WBP1L: variants seen among roughly 807,000 people sequenced by gnomAD.
WBP1L encodes WW domain binding protein 1-like.
A neutral mutation model predicts 33.7 loss-of-function variants in WBP1L; 17 were observed. That is an observed-to-expected ratio of 0.50 (90% CI 0.34 to 0.76). The LOEUF (loss-of-function observed/expected upper bound fraction) is 0.76. Among genes scored for constraint, WBP1L ranks in the 30% least tolerant of loss-of-function variants. The pLI is 0.01. For missense variants in WBP1L, 389 were observed against 469.4 expected, an observed-to-expected ratio of 0.83 and a Z score of 1.58; for synonymous variants, 173 against 190.8, an observed-to-expected ratio of 0.91 and a Z score of 0.77.
At chr10:102,792,516 G>A (rs1843514750) in intron 1 of WBP1L, among the ~76,000 whole-genome samples, 1 of 151,828 alleles carries the variant, frequency 6.6e-6, no homozygotes, top group Non-Finnish European at 1.5e-5. Flanking sequence ...CTAGCCAAAA[G>A]GGCTTTGCTT....
intron 1 of WBP1L, chr10:102,776,139 C>T (rs1843258050): frequency 7.2e-7 from 1 of 1,386,376 alleles, no homozygotes; most frequent in Admixed American, 3.0e-5. Context: ...ACAGCTTCGG[C>T]TTTGCTGCGT....
chr10:102,806,235 T>TAA lies in WBP1L; in HGVS notation c.194-3646_194-3645dup, dbSNP rs10588358. Among the ~76,000 whole-genome samples, 4 of 145,206 alleles carry TAA rather than the reference T, an allele frequency of 2.8e-5. No homozygotes were observed. In the East Asian group the frequency reaches 8.2e-4, roughly 30 times the overall value. On this transcript the variant is annotated intron_variant, in intron 2 of 3. Coordinates refer to ENST00000448841, the MANE Select transcript of WBP1L (RefSeq NM_001083913.2). ...AAAAAATAAATAAATAACAATAAAG[T>TAA]AAAAAAAAAAAAAGTTATAAAGTAA...
At chr10:102,759,376 T>C (rs1019500841) in intron 1 of WBP1L, among the ~76,000 whole-genome samples, 4 of 152,246 alleles carry the variant, frequency 2.6e-5, no homozygotes, top group African/African-American at 9.6e-5. Context: ...TAAAAGCTAA[T>C]GATTAATAAT....
In WBP1L at chr10:102,743,993, G is replaced by A; in HGVS notation, c.-61G>A. The A allele has an allele frequency of 8.1e-7, 1 of 1,227,372 alleles. No homozygotes were observed. Among genetic ancestry groups the A allele is most frequent in the Non-Finnish European group, 1.2e-6 (1 of 858,556 alleles). The allele number at this position is 1,227,372 out of a possible 1,614,324, so 76.0% of individuals were successfully genotyped here. ...AAGAAGGAAGAAGAGGGTAGAGGAG[G>A]AGAGGGAGGAGGAGGAGGGAGGTGG... is the stretch of plus-strand genomic sequence containing the variant. On this transcript the variant is annotated 5_prime_UTR_variant, in exon 1 of 4. Coordinates refer to ENST00000448841, the MANE Select transcript of WBP1L (RefSeq NM_001083913.2).
intron 1 of WBP1L, among the ~76,000 whole-genome samples, chr10:102,766,464 G>GA (rs921991611): frequency 7.0e-6 from 1 of 143,052 alleles, no homozygotes; most frequent in African/African-American, 2.6e-5. Context: ...AAAAAAAAAG[G>GA]AAAAAAAATA....
chr10:102,784,125 C>T (rs896115374), intron 1 of WBP1L, among the ~76,000 whole-genome samples: 5 of 152,024 alleles, frequency 3.3e-5, no homozygotes, highest in East Asian at 1.9e-4. Context: ...TCTGAAAAGT[C>T]GGATGGAACT....
intron 1 of WBP1L, among the ~76,000 whole-genome samples, chr10:102,777,336 G>A (rs1241759188): frequency 1.3e-5 from 2 of 152,120 alleles, no homozygotes; most frequent in Non-Finnish European, 2.9e-5. Context: ...AGAAGCCCTA[G>A]AGGGGAGCTG....
In WBP1L at chr10:102,812,985, C is replaced by T. The variant is rs1187669379; in HGVS notation, c.746C>T (p.Ser249Phe). 2 of 1,613,090 alleles carry T rather than the reference C, an allele frequency of 1.2e-6. No individual in the cohort carries two copies. Among genetic ancestry groups the T allele is most frequent in the East Asian group, 2.2e-5 (1 of 44,878 alleles). Reference sequence around the variant, plus strand: ...GAGGAGCTGCTGAAAGATGACAGCTCTGAACACGGCGCACCCGACAGCAAA... The same window carrying T: ...GAGGAGCTGCTGAAAGATGACAGCTTTGAACACGGCGCACCCGACAGCAAA... ...CREELLKDDS[S>F]EHGAPDSKEK... The change falls in exon 4 of 4, where the codon TCT becomes TTT. Residue 249 changes from serine (S) to phenylalanine (F), a missense_variant. By Grantham distance (155) the Ser-to-Phe change is radical. Transcript: ENST00000448841.
chr10:102,789,741 T>C (rs1038668939), intron 1 of WBP1L, among the ~76,000 whole-genome samples: 1 of 151,444 alleles, frequency 6.6e-6, no homozygotes, highest in Admixed American at 6.6e-5. Flanking sequence ...TCTGGAAATT[T>C]TGTATCTTTT....
chr10:102,750,548 C>T (rs2250064), intron 1 of WBP1L, among the ~76,000 whole-genome samples: 114,804 of 151,594 alleles, frequency 0.76, 43,649 homozygotes, highest in Non-Finnish European at 0.77. Flanking sequence ...TCTTTTGAAA[C>T]GGTGTCTTGC....
intron 2 of WBP1L, among the ~76,000 whole-genome samples, chr10:102,800,985 A>G (rs1222320085): frequency 6.6e-6 from 1 of 152,132 alleles, no homozygotes; most frequent in African/African-American, 2.4e-5. Context: ...TGCCATTTCT[A>G]CCCACCCTTT....
chr10:102,746,287 G>A (rs749354598), intron 1 of WBP1L: 4 of 402,602 alleles, frequency 9.9e-6, no homozygotes, highest in Admixed American at 6.4e-5. Context: ...TTGGGGACAG[G>A]TGTCTTTTGT....
chr10:102,760,148 A>G (rs1843019088), intron 1 of WBP1L, among the ~76,000 whole-genome samples: 1 of 152,034 alleles, frequency 6.6e-6, no homozygotes, highest in Non-Finnish European at 1.5e-5. Flanking sequence ...CCATTTGTGT[A>G]TCTTCCTTGG....
At chr10:102,771,499 C>T (rs554469980) in intron 1 of WBP1L, among the ~76,000 whole-genome samples, 1 of 152,172 alleles carries the variant, frequency 6.6e-6, no homozygotes, top group Admixed American at 6.5e-5. Flanking sequence ...AAGCCCTCAT[C>T]TATAATGACA....
chr10:102,776,387 C>G, intron 1 of WBP1L: 8 of 1,614,160 alleles, frequency 5.0e-6, no homozygotes, highest in Non-Finnish European at 5.9e-6. Flanking sequence ...GATGCTCTTG[C>G]AGGATGCCTT....
chr10:102,777,624 T>A (rs912524955), intron 1 of WBP1L, among the ~76,000 whole-genome samples: 5 of 130,666 alleles, frequency 3.8e-5, no homozygotes, highest in African/African-American at 1.5e-4. Flanking sequence ...GGCTGGAGTG[T>A]AGTGGCGTTA....
rs536283203 is a variant in WBP1L, at chr10:102,772,146, G to T, written c.91-25847G>T. Among the ~76,000 whole-genome samples, 27 of 151,816 alleles carry T rather than the reference G, an allele frequency of 1.8e-4. No homozygotes were observed. The South Asian group carries it at 4.6e-3, about 26-fold the overall frequency. On this transcript the variant is annotated intron_variant, in intron 1 of 3. Coordinates refer to ENST00000448841, the MANE Select transcript of WBP1L (RefSeq NM_001083913.2). ...GTTAATTTTTTGTATTTTTAGTAGA[G>T]ACGGGGTTTCACCATGTTAGCCAGG... is the stretch of plus-strand genomic sequence containing the variant.
rs1843258843 is a variant in WBP1L, at chr10:102,776,180, G to T, written c.91-21813G>T. On this transcript the variant is annotated intron_variant, in intron 1 of 3. Coordinates refer to ENST00000448841, the MANE Select transcript of WBP1L (RefSeq NM_001083913.2). ...ATATGTCACGAGAAGGTGGGGGTGG[G>T]CCAGAGCCAGGCAGGGGGAGTAGCG... The T allele has an allele frequency of 2.8e-6, 4 of 1,446,694 alleles. No individual in the cohort carries two copies. The South Asian group carries it at 5.6e-5, about 20-fold the overall frequency. 89.6% of individuals were successfully genotyped at this position (1,446,694 alleles called of 1,614,324 possible).
At chr10:102,798,575 C>T (rs545209912) in intron 2 of WBP1L, among the ~76,000 whole-genome samples, 2 of 152,314 alleles carry the variant, frequency 1.3e-5, no homozygotes, top group South Asian at 4.1e-4. Flanking sequence ...CAGGTGTGCA[C>T]CACCATGCCC....
Sources: allele counts gnomAD v4.1 joint callset (sites outside exome capture counted in the v4.1 genomes callset), GRCh38; gene constraint gnomAD v4.1.1; transcripts MANE v1.5; gene names NCBI Gene and HGNC (gene_info 2026-07-23, HGNC 2026-07-21).